SERTAD4: variants seen among roughly 807,000 people sequenced by gnomAD.
SERTAD4 encodes the protein SERTA domain-containing protein 4.
In SERTAD4, 18 loss-of-function variants were observed where a neutral mutation model predicts 32.9. The ratio of observed to expected loss-of-function variants is 0.55; its 90% CI spans 0.38 to 0.81. The LOEUF is 0.81. Among genes scored for constraint, SERTAD4 ranks in the 30% least tolerant of loss-of-function variants. The pLI is 0.00. For missense variants in SERTAD4, 383 were observed against 426.0 expected, an observed-to-expected ratio of 0.90 and a Z score of 0.89; for synonymous variants, 150 against 156.4, an observed-to-expected ratio of 0.96 and a Z score of 0.30.
In SERTAD4 at chr1:210,238,208, T is replaced by C. The variant is rs898046011; in HGVS notation, c.175+73T>C. 56 of 954,840 alleles carry C rather than the reference T, an allele frequency of 5.9e-5. 1 individual carries two copies. Among genetic ancestry groups the C allele is most frequent in the Non-Finnish European group, 8.7e-5 (55 of 628,716 alleles). The allele number at this position is 954,840 out of a possible 1,614,324, so 59.1% of individuals were successfully genotyped here. Reference sequence around the variant, plus strand: ...TGCAGCCAGCCTGGTGGACAGGAGGTGGTGTCTGGGGTGCCCCTCTGAGCC... The same window carrying C: ...TGCAGCCAGCCTGGTGGACAGGAGGCGGTGTCTGGGGTGCCCCTCTGAGCC... On this transcript the variant is annotated intron_variant, in intron 2 of 3. Coordinates refer to ENST00000367012, the MANE Select transcript of SERTAD4 (RefSeq NM_019605.5).
chr1:210,245,777 G>A lies in SERTAD4; in HGVS notation c.*3440G>A. ...TGAACTTGTATTACAGCTCCACTTG[G>A]TGACTTCCTTTCTGTGTATCAGGAG... On this transcript the variant is annotated 3_prime_UTR_variant, in exon 4 of 4. Coordinates refer to ENST00000367012, the MANE Select transcript of SERTAD4 (RefSeq NM_019605.5). 1 of 985,156 alleles carries A rather than the reference G, an allele frequency of 1.0e-6. No individual in the cohort carries two copies. Among genetic ancestry groups the A allele is most frequent in the Non-Finnish European group, 1.2e-6 (1 of 829,748 alleles). 61.0% of individuals were successfully genotyped at this position (985,156 alleles called of 1,614,324 possible).
At chr1:210,236,546 TG>T (rs2083942196) in intron 1 of SERTAD4, among the ~76,000 whole-genome samples, 1 of 152,230 alleles carries the variant, frequency 6.6e-6, no homozygotes, top group African/African-American at 2.4e-5. Context: ...CTTACCCTGG[TG>T]TTTTTCCTCT....
chr1:210,240,526 A>C (rs1000507934), intron 3 of SERTAD4, among the ~76,000 whole-genome samples: 1 of 152,172 alleles, frequency 6.6e-6, no homozygotes, highest in African/African-American at 2.4e-5. Flanking sequence ...GGTTTAGTTC[A>C]CAGCTCCTCA....
At position 210,242,170 on chromosome 1, in the gene SERTAD4, G is replaced by C. The variant is rs2084004952; in HGVS notation, c.904G>C (p.Val302Leu). ...RDGGPLSHEP[V>L]GNDLAFECKG... is the part of the protein sequence containing the mutation. Reference sequence around the variant, plus strand: ...TGGTGGCCCCCTCAGCCACGAACCTGTGGGAAATGACCTTGCTTTTGAGTG... The same window carrying C: ...TGGTGGCCCCCTCAGCCACGAACCTCTGGGAAATGACCTTGCTTTTGAGTG... The change falls in exon 4 of 4, where the codon GTG becomes CTG. Residue 302 changes from valine to leucine, a missense_variant. Physicochemically the swap from Val to Leu is conservative, Grantham distance 32. This residue lies in a region of SERTAD4 where 180 missense variants were observed against 190.6 expected (regional missense o/e 0.94). Coordinates refer to ENST00000367012, the MANE Select transcript of SERTAD4 (RefSeq NM_019605.5). This position sits in a 1 kb window ranked among gnomAD's most constrained non-coding sequence, Gnocchi z 4.0. The C allele has an allele frequency of 6.2e-7, 1 of 1,614,102 alleles. No homozygotes were observed. Among genetic ancestry groups the C allele is most frequent in the African/African-American group, 1.3e-5 (1 of 74,930 alleles).
At chr1:210,237,039 G>C (rs1040749251) in intron 1 of SERTAD4, among the ~76,000 whole-genome samples, 1 of 152,234 alleles carries the variant, frequency 6.6e-6, no homozygotes, top group Non-Finnish European at 1.5e-5. Flanking sequence ...GCAGGCCCAA[G>C]GGAGAAGGGC....
chr1:210,241,409 C>G, intron 3 of SERTAD4, 149 bp from the exon 4 acceptor site: 1 of 775,856 alleles, frequency 1.3e-6, no homozygotes, highest in Non-Finnish European at 1.9e-6. Flanking sequence ...TCTAAATTAA[C>G]CCTGCGGAAC....
chr1:210,234,623 T>A (rs2083923638), intron 1 of SERTAD4, among the ~76,000 whole-genome samples: 1 of 152,172 alleles, frequency 6.6e-6, no homozygotes, highest in African/African-American at 2.4e-5. Flanking sequence ...ACTGGCAGCA[T>A]CGATCGGGGG....
chr1:210,245,756 C>T lies in SERTAD4; in HGVS notation c.*3419C>T. The T allele has an allele frequency of 4.2e-6, 4 of 948,462 alleles. No homozygotes were observed. Among genetic ancestry groups the T allele is most frequent in the Non-Finnish European group, 5.0e-6 (4 of 796,536 alleles). 58.8% of individuals were successfully genotyped at this position (948,462 alleles called of 1,614,324 possible). A position where few individuals can be genotyped will look rare whatever the true frequency, so the allele number is the denominator to read the frequency against. On this transcript the variant is annotated 3_prime_UTR_variant, in exon 4 of 4. Transcript: ENST00000367012. ...GGCTACCCACCCCTCCAGTTATGAA[C>T]TTGTATTACAGCTCCACTTGGTGAC...
At position 210,246,003 on chromosome 1, in the gene SERTAD4, T is replaced by G; in HGVS notation, c.*3666T>G. On this transcript the variant is annotated 3_prime_UTR_variant, in exon 4 of 4. Transcript: ENST00000367012. ...TGACAGCCCCTTAAATTTGAAGTTATTTCATTTGTAGTTAAGGTTATCACA... is the reference window on the plus strand; with the variant it reads ...TGACAGCCCCTTAAATTTGAAGTTAGTTCATTTGTAGTTAAGGTTATCACA... 1 of 891,714 alleles carries G rather than the reference T, an allele frequency of 1.1e-6. No individual in the cohort carries two copies. Among genetic ancestry groups the G allele is most frequent in the Non-Finnish European group, 1.3e-6 (1 of 744,642 alleles). 55.2% of individuals were successfully genotyped at this position (891,714 alleles called of 1,614,324 possible).
chr1:210,246,020 G>T lies in SERTAD4; in HGVS notation c.*3683G>T. 1 of 746,848 alleles carries T rather than the reference G, an allele frequency of 1.3e-6. No homozygotes were observed. The highest frequency in any genetic ancestry group is 1.6e-6 in the Non-Finnish European group (1 of 611,940). 46.3% of individuals were successfully genotyped at this position (746,848 alleles called of 1,614,324 possible). On this transcript the variant is annotated 3_prime_UTR_variant, in exon 4 of 4. Transcript: ENST00000367012. ...TGAAGTTATTTCATTTGTAGTTAAGGTTATCACATCCCTGCCAATTTTACT... is the reference window on the plus strand; with the variant it reads ...TGAAGTTATTTCATTTGTAGTTAAGTTTATCACATCCCTGCCAATTTTACT...
At chr1:210,237,264 T>A (rs2083949840) in intron 1 of SERTAD4, 2 of 152,394 alleles carry the variant, frequency 1.3e-5, no homozygotes, top group African/African-American at 4.8e-5. Context: ...CATCTCGCAG[T>A]GTTTTGACTG....
Position 210,245,798 on chromosome 1 carries a change from A to G in SERTAD4, c.*3461A>G. The stretch of plus-strand genomic sequence containing the variant: ...CTTGGTGACTTCCTTTCTGTGTATC[A>G]GGAGCAGAGCAGAGGACAACTTGTA... On this transcript the variant is annotated 3_prime_UTR_variant, in exon 4 of 4. Transcript: ENST00000367012. The G allele has an allele frequency of 1.0e-6, 1 of 985,386 alleles. No homozygotes were observed. The highest frequency in any genetic ancestry group is 1.2e-6 in the Non-Finnish European group (1 of 829,898). The allele number at this position is 985,386 out of a possible 1,614,324, so 61.0% of individuals were successfully genotyped here.
intron 1 of SERTAD4, among the ~76,000 whole-genome samples, chr1:210,236,731 C>T (rs916683200): frequency 6.6e-5 from 10 of 152,322 alleles, no homozygotes; most frequent in South Asian, 4.1e-4. Context: ...GAAAGCCTGA[C>T]GTCACTTGTG....
At chr1:210,235,314 C>T (rs1409559850) in intron 1 of SERTAD4, among the ~76,000 whole-genome samples, 8 of 152,148 alleles carry the variant, frequency 5.3e-5, no homozygotes, top group East Asian at 1.9e-4. Context: ...TTGTGCTTAA[C>T]GCTGCCCTGT....
chr1:210,243,114 A>AAAAAAAAAAAC lies in SERTAD4; in HGVS notation c.*778_*779insAAAAAAAAACA. 4.3e-6 allele frequency: 3 copies of AAAAAAAAAAAC among 695,766 alleles called. No homozygotes were observed. Among genetic ancestry groups the AAAAAAAAAAAC allele is most frequent in the Non-Finnish European group, 5.3e-6 (3 of 567,346 alleles). The allele number at this position is 695,766 out of a possible 1,614,324, so 43.1% of individuals were successfully genotyped here. ...AGGACAAAAAAAAAAAAAAAAAAAA[A>AAAAAAAAAAAC]ACCACAGGGTGGATCAATATGGTTT... On this transcript the variant is annotated 3_prime_UTR_variant, in exon 4 of 4. Coordinates refer to ENST00000367012, the MANE Select transcript of SERTAD4 (RefSeq NM_019605.5).
At position 210,242,885 on chromosome 1, in the gene SERTAD4, A is replaced by C; in HGVS notation, c.*548A>C. ...ACAGATGAAAATAGGATGTAACATA[A>C]TGAAACACACCTGTCTAGGGGCGGC... On this transcript the variant is annotated 3_prime_UTR_variant, in exon 4 of 4. Transcript: ENST00000367012. This position sits in a 1 kb window ranked among gnomAD's most constrained non-coding sequence, Gnocchi z 4.0. The C allele has an allele frequency of 2.0e-6, 2 of 986,164 alleles. No homozygotes were observed. The highest frequency in any genetic ancestry group is 2.4e-6 in the Non-Finnish European group (2 of 830,220). 61.1% of individuals were successfully genotyped at this position (986,164 alleles called of 1,614,324 possible).
At position 210,245,430 on chromosome 1, in the gene SERTAD4, A is replaced by G. The variant is rs2084039375; in HGVS notation, c.*3093A>G. The G allele has an allele frequency of 1.3e-5, 2 of 152,302 alleles. No homozygotes were observed. Among genetic ancestry groups the G allele is most frequent in the South Asian group, 4.1e-4 (2 of 4,822 alleles). 9.4% of individuals were successfully genotyped at this position (152,302 alleles called of 1,614,324 possible). On this transcript the variant is annotated 3_prime_UTR_variant, in exon 4 of 4. Coordinates refer to ENST00000367012, the MANE Select transcript of SERTAD4 (RefSeq NM_019605.5). The stretch of plus-strand genomic sequence containing the variant: ...AGGTGGTCTGGCAAAGGGATTTTCA[A>G]AGGGCAAAAGTCTCATCATCATCTT...
intron 2 of SERTAD4, among the ~76,000 whole-genome samples, chr1:210,238,957 C>T (rs1211389104): frequency 6.6e-6 from 1 of 151,956 alleles, no homozygotes; most frequent in Admixed American, 6.6e-5. Flanking sequence ...ACATTAGTTA[C>T]CCAAAATTTT....
chr1:210,234,893 T>C (rs1204651305), intron 1 of SERTAD4, among the ~76,000 whole-genome samples: 1 of 152,180 alleles, frequency 6.6e-6, no homozygotes, highest in Non-Finnish European at 1.5e-5. Context: ...AAACAAATTG[T>C]ATAGAAATGC....
Sources: gnomAD v4.1 joint callset for allele counts (sites outside exome capture counted in the v4.1 genomes callset) on GRCh38, gnomAD v4.1.1 for gene constraint, gnomAD v4.1.1 regional missense constraint, Gnocchi (gnomAD v3.1) non-coding constraint, MANE v1.5 for transcripts, NCBI Gene and HGNC (gene_info 2026-07-23, HGNC 2026-07-21) for gene names.